SBK1: variants seen among roughly 807,000 people sequenced by gnomAD.
SBK1 encodes serine/threonine-protein kinase SBK1.
In SBK1, 11 loss-of-function variants were observed where a neutral mutation model predicts 24.4. The observed-to-expected ratio is 0.45, with a 90% CI of 0.28 to 0.75. The LOEUF (loss-of-function observed/expected upper bound fraction) is 0.75. Ranked by LOEUF, SBK1 falls within the 30% of genes least tolerant of loss-of-function variation. The probability of loss-of-function intolerance (pLI) is 0.12; values close to 1 mark genes in which losing one functional copy is unlikely to be tolerated. For synonymous variants in SBK1, 308 were observed against 284.4 expected (o/e 1.08, Z -0.83); for missense variants, 467 against 620.5 (o/e 0.75, Z 2.63).
intron 1 of SBK1, among the ~76,000 whole-genome samples, chr16:28,267,873 C>T (rs1234761836): frequency 3.3e-5 from 5 of 152,176 alleles, no homozygotes; most frequent in Admixed American, 6.6e-5. Context: ...TGCGGCCAGG[C>T]GCAGTGGCTC....
intron 1 of SBK1, among the ~76,000 whole-genome samples, chr16:28,265,832 C>T (rs562405015): frequency 7.3e-5 from 11 of 150,968 alleles, no homozygotes; most frequent in African/African-American, 1.7e-4. Flanking sequence ...AAATTAGCCC[C>T]GCGTGGTGGT....
Position 28,270,664 on chromosome 16 carries a change from C to T in SBK1, c.257+11162C>T, listed in dbSNP as rs183021906. On this transcript the variant is annotated intron_variant, in intron 1 of 3. Transcript: ENST00000671413. ...GTCTTGAACTCCTGGCTCAAGTGAT[C>T]CTCCCATTTCAGCCTCCCAAAGTGC... Among the ~76,000 whole-genome samples the T allele has an allele frequency of 2.9e-3, 437 of 151,638 alleles. 1 individual carries two copies. The highest frequency in any genetic ancestry group is 0.01 in the African/African-American group (419 of 41,310).
intron 1 of SBK1, among the ~76,000 whole-genome samples, chr16:28,264,329 T>C (rs548804574): frequency 1.3e-5 from 2 of 152,154 alleles, no homozygotes; most frequent in African/African-American, 4.8e-5. Flanking sequence ...ATCCCAGCAC[T>C]TTGGGAGGCA....
chr16:28,295,836 G>A (rs1285661154), intron 1 of SBK1, among the ~76,000 whole-genome samples: 2 of 151,680 alleles, frequency 1.3e-5, no homozygotes, highest in African/African-American at 2.4e-5. Flanking sequence ...TTGCCTTCCA[G>A]TCCACCCCCA....
At chr16:28,312,416 C>T (rs989210078) in intron 1 of SBK1, among the ~76,000 whole-genome samples, 1 of 152,188 alleles carries the variant, frequency 6.6e-6, no homozygotes, top group South Asian at 2.1e-4. Context: ...AAGACGATCA[C>T]GCGGAGATGT....
chr16:28,301,134 AC>A (rs2044675842), intron 1 of SBK1, among the ~76,000 whole-genome samples: 1 of 152,062 alleles, frequency 6.6e-6, no homozygotes, highest in Non-Finnish European at 1.5e-5. Flanking sequence ...TCCTGTTGAT[AC>A]CCCTGAGTGC....
At chr16:28,272,535 C>T (rs2044471851) in intron 1 of SBK1, among the ~76,000 whole-genome samples, 1 of 151,950 alleles carries the variant, frequency 6.6e-6, no homozygotes, top group South Asian at 2.1e-4. Flanking sequence ...AGATATGTGT[C>T]CTTCTGTGGC....
upstream of SBK1, among the ~76,000 whole-genome samples, chr16:28,289,914 C>T (rs2044588626): frequency 6.6e-6 from 1 of 151,968 alleles, no homozygotes; most frequent in Admixed American, 6.6e-5. Context: ...GGCAAAACCC[C>T]ATCTCTACAA....
In SBK1 at chr16:28,292,562, GCCGGGGCC is replaced by G; in HGVS notation, c.-744_-737del. ...GAGCGCAGCCCGGGCGGGCGCCGGG[GCCGGGGCC>G]CGAGCGCCAGGCGGAGCGCGAGCTG... On this transcript the variant is annotated 5_prime_UTR_variant, in exon 1 of 4. The change abolishes the stop of an existing upstream ORF in the 5' untranslated region. Coordinates refer to ENST00000341901, the MANE Select transcript of SBK1 (RefSeq NM_001024401.3). 1.0e-6 allele frequency: 1 copy of G among 979,468 alleles called. No individual in the cohort carries two copies. Among genetic ancestry groups the G allele is most frequent in the South Asian group, 4.7e-5 (1 of 21,454 alleles). 60.7% of individuals were successfully genotyped at this position (979,468 alleles called of 1,614,324 possible). A position where few individuals can be genotyped will look rare whatever the true frequency, so the allele number is the denominator to read the frequency against.
intron 1 of SBK1, chr16:28,285,616 C>T (rs2044560965): frequency 6.6e-6 from 1 of 152,206 alleles, no homozygotes; most frequent in African/African-American, 2.4e-5. Flanking sequence ...CCGCACCAGT[C>T]CTATTTCCTT....
intron 1 of SBK1, among the ~76,000 whole-genome samples, chr16:28,309,690 G>A (rs992283838): frequency 1.3e-5 from 2 of 151,986 alleles, no homozygotes; most frequent in African/African-American, 4.8e-5. Flanking sequence ...TGAGCCTGGG[G>A]GTTCAAGACC....
At chr16:28,275,826 A>G (rs2044491381) in intron 1 of SBK1, among the ~76,000 whole-genome samples, 1 of 152,050 alleles carries the variant, frequency 6.6e-6, no homozygotes, top group African/African-American at 2.4e-5. Flanking sequence ...GCAGTGAGCT[A>G]TCACTGCACC....
chr16:28,290,423 T>A (rs1189608286), upstream of SBK1: 1 of 152,150 alleles, frequency 6.6e-6, no homozygotes, highest in Non-Finnish European at 1.5e-5. Context: ...TCACTTGAAG[T>A]CAGGAGTTTG....
In SBK1 at chr16:28,321,230, C is replaced by CACACAT; in HGVS notation, c.*314_*315insTACACA. 1 of 123,058 alleles carries CACACAT rather than the reference C, an allele frequency of 8.1e-6. No homozygotes were observed. Among genetic ancestry groups the CACACAT allele is most frequent in the Non-Finnish European group, 1.8e-5 (1 of 55,554 alleles). The allele number at this position is 123,058 out of a possible 1,614,324, so 7.6% of individuals were successfully genotyped here. ...ACACACACACACACACACACACACA[C>CACACAT]ACACACACGCCAGGAGCAAGGGAGC... On this transcript the variant is annotated 3_prime_UTR_variant, in exon 4 of 4. Transcript: ENST00000341901.
At chr16:28,287,534 C>G (rs1390224725), upstream of SBK1, among the ~76,000 whole-genome samples, 1 of 152,034 alleles carries the variant, frequency 6.6e-6, no homozygotes, top group East Asian at 1.9e-4. Flanking sequence ...TTATACCCAT[C>G]AAGACCCTCT....
intron 1 of SBK1, among the ~76,000 whole-genome samples, chr16:28,311,097 A>C (rs2044751780): frequency 6.6e-6 from 1 of 152,108 alleles, no homozygotes; most frequent in Admixed American, 6.6e-5. Flanking sequence ...GAGAAGAAGG[A>C]GGGAGGGGAC....
intron 1 of SBK1, among the ~76,000 whole-genome samples, chr16:28,274,046 G>T (rs2044482588): frequency 6.6e-6 from 1 of 152,222 alleles, no homozygotes; most frequent in Non-Finnish European, 1.5e-5. Flanking sequence ...GGTTGCCAGG[G>T]GGCTGGCGGG....
rs529465936 is a variant in SBK1 at position 28,296,810 on chromosome 16, C to T, written c.-8+3510C>T. On this transcript the variant is annotated intron_variant, in intron 1 of 3. Transcript: ENST00000341901. ...CCATGTGTCCCAGGGACAGCAAACCCGAGTCCTTCCCTTCCCCTCCTGACC... is the reference window on the plus strand; with the variant it reads ...CCATGTGTCCCAGGGACAGCAAACCTGAGTCCTTCCCTTCCCCTCCTGACC... Among the ~76,000 whole-genome samples the T allele has an allele frequency of 3.9e-5, 6 of 152,260 alleles. No homozygotes were observed. The East Asian group carries it at 7.7e-4, about 20-fold the overall frequency.
At chr16:28,303,497 CTTTTCTTTTCTT>C (rs1478084939) in intron 1 of SBK1, among the ~76,000 whole-genome samples, 2 of 121,094 alleles carry the variant, frequency 1.7e-5, no homozygotes, top group African/African-American at 6.2e-5. Context: ...TTTTTCTTTT[CTTTTCTTTTCTT>C]TTTTTTTTTT....
Sources: gnomAD v4.1 joint callset for allele counts (sites outside exome capture counted in the v4.1 genomes callset) on GRCh38, gnomAD v4.1.1 for gene constraint, MANE v1.5 for transcripts, NCBI Gene and HGNC (gene_info 2026-07-23, HGNC 2026-07-21) for gene names.